The following OR6K3 variants were observed in gnomAD, a reference collection of about 807,000 sequenced individuals.
The protein encoded by OR6K3 is olfactory receptor 6K3.
For synonymous variants in OR6K3, 169 were observed against 137.7 expected (o/e 1.23, Z -1.59); for missense variants, 396 against 382.5 (o/e 1.04, Z -0.29).
In OR6K3 at chr1:158,717,169, T is replaced by C. The variant is rs774130502; in HGVS notation, c.947A>G (p.Ter316=). ...CGGAAGGGAACCTGTGGCTCTGTAT[T>C]AACCTCCAGGCTTGTTCAACACTTT... ...LQKVLNKPGG[*] is the part of the protein sequence containing the mutation. The change falls in exon 2 of 2, where the codon TAA becomes TGA. Residue 316 remains the stop codon, a stop_retained_variant. Transcript: ENST00000368145. The C allele has an allele frequency of 1.6e-5, 26 of 1,599,690 alleles. No individual in the cohort carries two copies. The highest frequency in any genetic ancestry group is 1.4e-4 in the Admixed American group (8 of 59,086).
upstream of OR6K3, among the ~76,000 whole-genome samples, chr1:158,722,762 C>G (rs1656310699): frequency 6.6e-6 from 1 of 151,908 alleles, no homozygotes; most frequent in Non-Finnish European, 1.5e-5. Context: ...TTTGGTTTAA[C>G]TTAATTTTGA....
At chr1:158,724,917 T>A, upstream of OR6K3, 1 of 203,648 alleles carries the variant, frequency 4.9e-6, no homozygotes, top group Non-Finnish European at 1.1e-5. Flanking sequence ...CCACCCTGAC[T>A]GCAAAAAATA....
At chr1:158,719,564 T>C (rs1656244090) in intron 1 of OR6K3, among the ~76,000 whole-genome samples, 1 of 151,968 alleles carries the variant, frequency 6.6e-6, no homozygotes, top group Admixed American at 6.6e-5. Context: ...GACTTTAAAG[T>C]AACATATCTC....
upstream of OR6K3, among the ~76,000 whole-genome samples, chr1:158,722,331 T>C (rs1366999092): frequency 6.6e-6 from 1 of 152,052 alleles, no homozygotes; most frequent in Non-Finnish European, 1.5e-5. Flanking sequence ...TATTGCTTTG[T>C]GCTAAAAAGT....
At chr1:158,721,033 C>T (rs1656271639), upstream of OR6K3, among the ~76,000 whole-genome samples, 1 of 151,916 alleles carries the variant, frequency 6.6e-6, no homozygotes, top group African/African-American at 2.4e-5. Flanking sequence ...CTTGAGTGTA[C>T]CAGTGTACTA....
upstream of OR6K3, chr1:158,724,427 T>C (rs1335863212): frequency 4.3e-6 from 1 of 231,482 alleles, no homozygotes; most frequent in African/African-American, 2.3e-5. Flanking sequence ...AGGGCAATAA[T>C]CAGGACAGAG....
In OR6K3 at chr1:158,717,896, T is replaced by C. The variant is rs148271311; in HGVS notation, c.220A>G (p.Thr74Ala). The stretch of plus-strand genomic sequence containing the variant: ...AGCATCTTGGGAATGGTGGCTGTGG[T>C]GTACCAGATCTCCAGAAAGGAAAAT... ...SIFSFLEIWYTTATIPKMLSN... is the reference protein window; with the variant it reads ...SIFSFLEIWYATATIPKMLSN... The change falls in exon 2 of 2, where the codon ACC becomes GCC. Residue 74 changes from threonine to alanine, a missense_variant. By Grantham distance (58) the Thr-to-Ala change is moderately conservative. Transcript: ENST00000368145. 9.9e-6 allele frequency: 16 copies of C among 1,613,568 alleles called. No individual in the cohort carries two copies. The highest frequency in any genetic ancestry group is 1.4e-5 in the Non-Finnish European group (16 of 1,179,720).
At chr1:158,722,235 G>T (rs1358916545), upstream of OR6K3, among the ~76,000 whole-genome samples, 1 of 151,886 alleles carries the variant, frequency 6.6e-6, no homozygotes, top group Non-Finnish European at 1.5e-5. Context: ...AATATATTTG[G>T]ATACAAAAAA....
rs148845674 is a variant in OR6K3, at chr1:158,717,831, A to C, written c.285T>G (p.Thr95=). 10 of 1,613,736 alleles carry C rather than the reference A, an allele frequency of 6.2e-6. No individual in the cohort carries two copies. The African/African-American group carries it at 1.3e-4, about 22-fold the overall frequency. ...LISEKKAISM[T]GCILQMYFFH... ...AGAAATACATCTGCAAGATGCAGCC[A>C]GTCATTGAGATGGCCTTCTTTTCAC... The change falls in exon 2 of 2, where the codon ACT becomes ACG. Residue 95 remains threonine (T), a synonymous_variant. Coordinates refer to ENST00000368145, the MANE Select transcript of OR6K3 (RefSeq NM_001005327.3).
chr1:158,722,109 G>C (rs1268294856), upstream of OR6K3, among the ~76,000 whole-genome samples: 2 of 151,630 alleles, frequency 1.3e-5, no homozygotes, highest in Admixed American at 6.6e-5. Context: ...CTACTTATTG[G>C]GCTATGCATT....
intron 1 of OR6K3, among the ~76,000 whole-genome samples, chr1:158,720,471 C>T (rs549628144): frequency 2.0e-5 from 3 of 152,068 alleles, no homozygotes; most frequent in South Asian, 4.1e-4. Flanking sequence ...CAGAAAATGG[C>T]ATTATAAATG....
rs1050450761 is a variant in OR6K3 at position 158,716,678 on chromosome 1, T to G, written c.*490A>C. 1 of 154,228 alleles carries G rather than the reference T, an allele frequency of 6.5e-6. No homozygotes were observed. Among genetic ancestry groups the G allele is most frequent in the African/African-American group, 2.4e-5 (1 of 41,454 alleles). The allele number at this position is 154,228 out of a possible 1,614,324, so 9.6% of individuals were successfully genotyped here. A position where few individuals can be genotyped will look rare whatever the true frequency, so the allele number is the denominator to read the frequency against. On this transcript the variant is annotated 3_prime_UTR_variant, in exon 2 of 2. Transcript: ENST00000368145. ...CCACATAATAAGGTTCCTCATGATA[T>G]GCACAGCAACTTTTATAACGATGAC...
chr1:158,720,156 T>C (rs1656254597), intron 1 of OR6K3, among the ~76,000 whole-genome samples: 1 of 152,084 alleles, frequency 6.6e-6, no homozygotes, highest in African/African-American at 2.4e-5. Context: ...GCCATTATGC[T>C]TTATTGAAGC....
rs1363661237 is a variant in OR6K3, at chr1:158,717,837, T to C, written c.279A>G (p.Ser93=). ...ACATCTGCAAGATGCAGCCAGTCAT[T>C]GAGATGGCCTTCTTTTCACTGATGA... The part of the protein sequence containing the change: ...SNLISEKKAI[S]MTGCILQMYF... Residue 93 remains serine, a synonymous_variant, in exon 2 of 2, where the codon TCA becomes TCG. Coordinates refer to ENST00000368145, the MANE Select transcript of OR6K3 (RefSeq NM_001005327.3). The C allele has an allele frequency of 3.7e-6, 6 of 1,613,646 alleles. No homozygotes were observed. In the African/African-American group the frequency reaches 4.0e-5, roughly 11 times the overall value.
intron 1 of OR6K3, 175 bp from the exon 2 acceptor site, chr1:158,718,307 A>AT (rs145060065): frequency 7.6e-4 from 352 of 462,448 alleles, no homozygotes; most frequent in South Asian, 1.3e-3. Flanking sequence ...CATATCAAAC[A>AT]TTTTTTTTTG....
At chr1:158,724,357 T>C (rs963204695), upstream of OR6K3, 6 of 185,920 alleles carry the variant, frequency 3.2e-5, no homozygotes, top group Admixed American at 2.2e-4. Flanking sequence ...AGAAAAGGCC[T>C]TCTGGCGGCC....
rs941870031 is a variant in OR6K3 at position 158,717,513 on chromosome 1, A to T, written c.603T>A (p.Ile201=). Residue 201 remains isoleucine, a synonymous_variant, in exon 2 of 2, where the codon ATT becomes ATA. Transcript: ENST00000368145. ...DTSMILIEDV[I]HAVTIIITFL... is the part of the protein sequence containing the mutation. Reference sequence around the variant, plus strand: ...AGGTAATGATGATGGTCACAGCATGAATCACATCCTCAATCAGAATCATGG... The same window carrying T: ...AGGTAATGATGATGGTCACAGCATGTATCACATCCTCAATCAGAATCATGG... The T allele has an allele frequency of 6.2e-7, 1 of 1,613,754 alleles. No homozygotes were observed. Among genetic ancestry groups the T allele is most frequent in the South Asian group, 1.1e-5 (1 of 91,068 alleles).
upstream of OR6K3, among the ~76,000 whole-genome samples, chr1:158,722,938 A>G (rs1026476229): frequency 6.6e-6 from 1 of 152,008 alleles, no homozygotes; most frequent in Non-Finnish European, 1.5e-5. Context: ...GCTATCATGA[A>G]GGTTTTTAGG....
At chr1:158,718,971 T>G (rs1656232827) in intron 1 of OR6K3, among the ~76,000 whole-genome samples, 1 of 152,084 alleles carries the variant, frequency 6.6e-6, no homozygotes, top group South Asian at 2.1e-4. Context: ...TTAACACTGC[T>G]GTGTGCTTCC....
Sources: allele counts gnomAD v4.1 joint callset (sites outside exome capture counted in the v4.1 genomes callset), GRCh38; gene constraint gnomAD v4.1.1; transcripts MANE v1.5; gene names NCBI Gene and HGNC (gene_info 2026-07-23, HGNC 2026-07-21).